The following ROBO1 variants were observed in gnomAD, a reference collection of about 807,000 sequenced individuals.
ROBO1 encodes the protein roundabout homolog 1.
Under a neutral mutation model 195.9 loss-of-function variants are expected in ROBO1, and 149 were observed. The ratio of observed to expected loss-of-function variants is 0.76; its 90% CI spans 0.67 to 0.87. The LOEUF is 0.87. Among genes scored for constraint, ROBO1 ranks in the 40% least tolerant of loss-of-function variants. ROBO1 has a pLI of 0.00. For synonymous variants in ROBO1, 816 were observed against 733.2 expected (o/e 1.11, Z -1.82); for missense variants, 1,933 against 2,068.3 (o/e 0.93, Z 1.27).
intron 3 of ROBO1, among the ~76,000 whole-genome samples, chr3:79,002,245 A>C (rs1284459612): frequency 6.6e-6 from 1 of 152,142 alleles, no homozygotes; most frequent in Non-Finnish European, 1.5e-5. Context: ...GTCACACTCA[A>C]GTTGGCAGCA....
At chr3:79,407,734 G>T (rs1175002423) in intron 2 of ROBO1, among the ~76,000 whole-genome samples, 1 of 152,032 alleles carries the variant, frequency 6.6e-6, no homozygotes, top group Non-Finnish European at 1.5e-5. Context: ...ATAAAGTAAT[G>T]AAGTAAGTAG....
At chr3:79,231,478 C>A (rs1442468992) in intron 2 of ROBO1, among the ~76,000 whole-genome samples, 1 of 152,032 alleles carries the variant, frequency 6.6e-6, no homozygotes, top group African/African-American at 2.4e-5. Context: ...CATCACTGAT[C>A]ATCAGAGAAA....
At chr3:78,625,744 A>C (rs1704721947) in intron 26 of ROBO1, among the ~76,000 whole-genome samples, 1 of 152,244 alleles carries the variant, frequency 6.6e-6, no homozygotes, top group Admixed American at 6.5e-5. Context: ...CAAACTGAGA[A>C]GTCTTTACAT....
At chr3:78,844,373 A>C (rs1020049162) in intron 4 of ROBO1, among the ~76,000 whole-genome samples, 7 of 152,058 alleles carry the variant, frequency 4.6e-5, no homozygotes, top group African/African-American at 1.7e-4. Context: ...GGATTATCCA[A>C]CTGTTTAATA....
rs190352118 is a variant in ROBO1, at chr3:78,792,669, A to G, written c.500-45769T>C. On this transcript the variant is annotated intron_variant, in intron 4 of 30. Transcript: ENST00000464233. ...CACTTTCCTTCTCTCAACATTTTATATCAATTAAAACAAATTTAAATTAAT... is the reference window on the plus strand; with the variant it reads ...CACTTTCCTTCTCTCAACATTTTATGTCAATTAAAACAAATTTAAATTAAT... Among the ~76,000 whole-genome samples the G allele has an allele frequency of 4.7e-3, 721 of 152,366 alleles. 5 individuals are homozygous for G. The highest frequency in any genetic ancestry group is 7.1e-3 in the Non-Finnish European group (482 of 68,034).
intron 3 of ROBO1, among the ~76,000 whole-genome samples, chr3:79,104,620 A>T (rs2079742267): frequency 6.6e-6 from 1 of 151,580 alleles, no homozygotes; most frequent in Admixed American, 6.6e-5. Flanking sequence ...TTGCATTATC[A>T]CTCTTCAGTT....
At chr3:79,649,391 A>G (rs147772944) in intron 1 of ROBO1, among the ~76,000 whole-genome samples, 76 of 152,164 alleles carry the variant, frequency 5.0e-4, no homozygotes, top group African/African-American at 1.6e-3. Flanking sequence ...ATACTGCAAA[A>G]TAAACCTGAA....
chr3:78,625,087 C>T (rs1704682118), intron 26 of ROBO1, among the ~76,000 whole-genome samples: 1 of 151,952 alleles, frequency 6.6e-6, no homozygotes, highest in Non-Finnish European at 1.5e-5. Flanking sequence ...TTCTTGTGTG[C>T]AAATAAAAAT....
intron 3 of ROBO1, among the ~76,000 whole-genome samples, chr3:79,034,855 T>C (rs914187662): frequency 6.6e-6 from 1 of 152,128 alleles, no homozygotes; most frequent in African/African-American, 2.4e-5. Context: ...AAATCCAGGA[T>C]ACCACATTAA....
At chr3:79,561,751 TG>T (rs1942927929) in intron 2 of ROBO1, among the ~76,000 whole-genome samples, 2 of 152,096 alleles carry the variant, frequency 1.3e-5, no homozygotes, top group Admixed American at 6.6e-5. Context: ...AACAGCACTA[TG>T]GATAAAGAGA....
rs1178157065 is a variant in ROBO1 at position 78,861,872 on chromosome 3, ACAAGTG to A, written c.499+76723_499+76728del. 3.9e-5 allele frequency among the ~76,000 whole-genome samples: 6 copies of A among 152,310 alleles called. No homozygotes were observed. In the East Asian group the frequency reaches 7.7e-4, roughly 20 times the overall value. Reference sequence around the variant, plus strand: ...ATGATATTTAATACAAGCTGCTCAAACAAGTGAGAAAAGGGAACAGGGAAAGGCTGC... The same window carrying A: ...ATGATATTTAATACAAGCTGCTCAAAAGAAAAGGGAACAGGGAAAGGCTGC... On this transcript the variant is annotated intron_variant, in intron 4 of 30. Transcript: ENST00000464233.
At chr3:79,070,037 A>C (rs2079061172) in intron 3 of ROBO1, among the ~76,000 whole-genome samples, 1 of 151,428 alleles carries the variant, frequency 6.6e-6, no homozygotes, top group Admixed American at 6.6e-5. Context: ...CTATTCATTT[A>C]CTGGTTATTC....
intron 2 of ROBO1, among the ~76,000 whole-genome samples, chr3:79,559,197 A>T (rs1171988060): frequency 1.3e-5 from 2 of 152,190 alleles, no homozygotes; most frequent in Non-Finnish European, 2.9e-5. Context: ...CTTAGCTTTC[A>T]TGATAAGCCT....
At position 78,614,633 on chromosome 3, in the gene ROBO1, T is replaced by A; in HGVS notation, c.4435+15A>T. 1 of 1,612,902 alleles carries A rather than the reference T, an allele frequency of 6.2e-7. No individual in the cohort carries two copies. The highest frequency in any genetic ancestry group is 8.5e-7 in the Non-Finnish European group (1 of 1,179,280). On this transcript the variant is annotated intron_variant, in intron 28 of 30. Transcript: ENST00000464233. ...CGAGATTCATAGACGTTTTCATCCG[T>A]GTCAATGGACTCACCATCTGTGTAG...
intron 2 of ROBO1, among the ~76,000 whole-genome samples, chr3:79,525,569 T>TATATATATA (rs1048631652): frequency 6.8e-6 from 1 of 146,880 alleles, no homozygotes; most frequent in African/African-American, 2.5e-5. Flanking sequence ...TATATATATA[T>TATATATATA]TTTTTTTGGT....
chr3:78,724,935 A>T (rs1189288844), intron 5 of ROBO1, among the ~76,000 whole-genome samples: 1 of 152,230 alleles, frequency 6.6e-6, no homozygotes, highest in Non-Finnish European at 1.5e-5. Context: ...TGGATTTGAC[A>T]GTCGAATTGT....
At chr3:79,749,371 G>A (rs1226865602) in intron 1 of ROBO1, among the ~76,000 whole-genome samples, 1 of 152,186 alleles carries the variant, frequency 6.6e-6, no homozygotes, top group African/African-American at 2.4e-5. Flanking sequence ...AAAATTTGCA[G>A]CCTGACAATA....
chr3:79,286,558 G>T (rs553876594), intron 2 of ROBO1, among the ~76,000 whole-genome samples: 1 of 151,988 alleles, frequency 6.6e-6, no homozygotes, highest in African/African-American at 2.4e-5. Context: ...AAACTACTTC[G>T]GTCCCCTATG....
intron 2 of ROBO1, among the ~76,000 whole-genome samples, chr3:79,412,537 C>T (rs2037814634): frequency 6.6e-6 from 1 of 152,074 alleles, no homozygotes; most frequent in South Asian, 2.1e-4. Context: ...AGAAAAAAAT[C>T]CCACTTGTTC....
Sources: gnomAD v4.1 joint callset for allele counts (sites outside exome capture counted in the v4.1 genomes callset) on GRCh38, gnomAD v4.1.1 for gene constraint, MANE v1.5 for transcripts, NCBI Gene and HGNC (gene_info 2026-07-23, HGNC 2026-07-21) for gene names.